Variants in ANO4 observed in about 807,000 individuals in gnomAD.
ANO4 encodes the protein anoctamin 4, also known as anoctamin-4.
Under a neutral mutation model 141.9 loss-of-function variants are expected in ANO4, and 69 were observed. The ratio of observed to expected loss-of-function variants is 0.49; its 90% CI spans 0.40 to 0.59. The LOEUF is 0.59. ANO4 is among the 20% of genes least tolerant of loss of function. The pLI, the probability that ANO4 is intolerant of heterozygous loss-of-function variation, is 0.00. For synonymous variants in ANO4, 350 were observed against 394.3 expected, an observed-to-expected ratio of 0.89 and a Z score of 1.33; for missense variants, 894 against 1,162.2, an observed-to-expected ratio of 0.77 and a Z score of 3.36.
intron 1 of ANO4, among the ~76,000 whole-genome samples, chr12:100,848,277 A>G (rs2037683629): frequency 6.6e-6 from 1 of 152,076 alleles, no homozygotes; most frequent in Non-Finnish European, 1.5e-5. Context: ...ATACTCAGCA[A>G]TTGCATTGGG....
At chr12:100,723,205 T>TA (rs1219205435) in intron 1 of ANO4, among the ~76,000 whole-genome samples, 3 of 152,228 alleles carry the variant, frequency 2.0e-5, no homozygotes, top group Admixed American at 6.5e-5. Context: ...TTCTTTCCTT[T>TA]AAAACGTTAT....
At chr12:100,888,341 A>T (rs7136362) in intron 1 of ANO4, among the ~76,000 whole-genome samples, 12,358 of 152,246 alleles carry the variant, frequency 0.081, 657 homozygotes, top group African/African-American at 0.13. Flanking sequence ...TACAAAGGAG[A>T]GGCTGGGTTA....
chr12:101,052,983 G>A (rs1246468135), intron 14 of ANO4, among the ~76,000 whole-genome samples: 1 of 152,208 alleles, frequency 6.6e-6, no homozygotes, highest in South Asian at 2.1e-4. Context: ...TCACTCCAGA[G>A]TCATTCCAAA....
At chr12:100,720,903 T>A (rs936913889) in intron 1 of ANO4, among the ~76,000 whole-genome samples, 2 of 152,194 alleles carry the variant, frequency 1.3e-5, no homozygotes, top group African/African-American at 4.8e-5. Context: ...TTTGAAGAAG[T>A]TGAGGCACAG....
At chr12:101,104,400 A>T (rs572218139) in intron 22 of ANO4, among the ~76,000 whole-genome samples, 4 of 151,310 alleles carry the variant, frequency 2.6e-5, no homozygotes, top group Non-Finnish European at 5.9e-5. Flanking sequence ...ACAAGTTTTT[A>T]TATATTGATT....
intron 21 of ANO4, among the ~76,000 whole-genome samples, chr12:101,099,145 G>A (rs1033782287): frequency 1.3e-5 from 2 of 152,070 alleles, no homozygotes; most frequent in Admixed American, 6.6e-5. Flanking sequence ...GCATTTTGTG[G>A]GTTTGCAGAT....
chr12:100,974,904 C>A lies in ANO4; in HGVS notation c.602+15C>A. 2 of 1,613,824 alleles carry A rather than the reference C, an allele frequency of 1.2e-6. No individual in the cohort carries two copies. Among genetic ancestry groups the A allele is most frequent in the South Asian group, 2.2e-5 (2 of 91,074 alleles). On this transcript the variant is annotated intron_variant, in intron 7 of 27. Coordinates refer to ENST00000392977, the MANE Select transcript of ANO4 (RefSeq NM_001286615.2). The stretch of plus-strand genomic sequence containing the variant: ...TTCATGAGCAGGTTAGTAGCACGCT[C>A]TGTCCTGACAGTGTTTGTCTTTCTG...
intron 1 of ANO4, among the ~76,000 whole-genome samples, chr12:100,725,624 G>A (rs1397656886): frequency 6.6e-6 from 1 of 152,148 alleles, no homozygotes; most frequent in Non-Finnish European, 1.5e-5. Context: ...GGGATTATAG[G>A]CATGAGCCAC....
In ANO4 at chr12:100,767,852, T is replaced by G. The variant is rs75218035; in HGVS notation, c.358+27747T>G. On this transcript the variant is annotated intron_variant, in intron 3 of 29. Transcript: ENST00000644049. ...TTTACTTTGACCACGTACAAAAACT[T>G]TACACTTTCCCCACCTCACATGGAG... 8.3e-3 allele frequency among the ~76,000 whole-genome samples: 1,265 copies of G among 152,294 alleles called. 20 individuals are homozygous for G. Among genetic ancestry groups the G allele is most frequent in the African/African-American group, 0.029 (1,190 of 41,558 alleles).
At chr12:100,918,289 T>G (rs1593755196) in intron 2 of ANO4, among the ~76,000 whole-genome samples, 1 of 152,222 alleles carries the variant, frequency 6.6e-6, no homozygotes, top group South Asian at 2.1e-4. Flanking sequence ...TTCGCACCAC[T>G]GCACTCCAGC....
At chr12:100,970,679 T>G (rs1177243579) in intron 5 of ANO4, among the ~76,000 whole-genome samples, 1 of 63,612 alleles carries the variant, frequency 1.6e-5, no homozygotes, top group Non-Finnish European at 2.7e-5. Flanking sequence ...CCTTCCTTCC[T>G]TCCTTCCTTC....
intron 5 of ANO4, among the ~76,000 whole-genome samples, chr12:100,957,973 G>C (rs887534138): frequency 2.0e-5 from 3 of 152,116 alleles, no homozygotes; most frequent in Non-Finnish European, 4.4e-5. Flanking sequence ...CTCCCAAAGT[G>C]ACAGAATTAC....
rs76025586 is a variant in ANO4 at position 100,821,489 on chromosome 12, A to G, written c.-141+26462A>G. ...CTCAGTTCATTTTTCTGCTATCCCA[A>G]TACCAGCCTTGGAGAATATGCTTTC... On this transcript the variant is annotated intron_variant, in intron 1 of 27. Coordinates refer to ENST00000392977, the MANE Select transcript of ANO4 (RefSeq NM_001286615.2). 2.6e-3 allele frequency among the ~76,000 whole-genome samples: 398 copies of G among 152,186 alleles called. 10 individuals carry two copies. In the East Asian group the frequency reaches 0.072, roughly 27 times the overall value.
intron 25 of ANO4, among the ~76,000 whole-genome samples, chr12:101,117,181 A>G (rs2050888085): frequency 6.6e-6 from 1 of 152,228 alleles, no homozygotes; most frequent in Non-Finnish European, 1.5e-5. Context: ...TCTCTTGCCC[A>G]GAGTATATCA....
intron 1 of ANO4, among the ~76,000 whole-genome samples, chr12:100,839,066 CTATT>C (rs2037098191): frequency 1.3e-5 from 2 of 152,058 alleles, no homozygotes; most frequent in African/African-American, 4.8e-5. Flanking sequence ...AGTTAGAAAA[CTATT>C]TTTTTTTTCT....
chr12:100,969,395 A>G (rs186737778), intron 5 of ANO4, among the ~76,000 whole-genome samples: 24 of 152,288 alleles, frequency 1.6e-4, no homozygotes, highest in Non-Finnish European at 1.3e-4. Context: ...GCCTCCCACT[A>G]CTGATGGGCC....
intron 14 of ANO4, chr12:101,066,640 C>A: frequency 1.7e-6 from 1 of 575,622 alleles, no homozygotes; most frequent in South Asian, 2.1e-5. Flanking sequence ...GGAGAGTATC[C>A]ATGGCTTTGC....
chr12:101,042,949 G>A (rs2047468631), intron 12 of ANO4, among the ~76,000 whole-genome samples: 1 of 152,198 alleles, frequency 6.6e-6, no homozygotes, highest in African/African-American at 2.4e-5. Flanking sequence ...TACTCACAGA[G>A]ATCTTGTTGC....
chr12:100,916,530 G>A (rs2041351137), intron 2 of ANO4, among the ~76,000 whole-genome samples: 1 of 152,162 alleles, frequency 6.6e-6, no homozygotes, highest in African/African-American at 2.4e-5. Context: ...AGGCTTCAAT[G>A]TGTTACTGTC....
Sources: allele counts gnomAD v4.1 joint callset (sites outside exome capture counted in the v4.1 genomes callset), GRCh38; gene constraint gnomAD v4.1.1; transcripts MANE v1.5; gene names NCBI Gene and HGNC (gene_info 2026-07-23, HGNC 2026-07-21).